ATP9B: variants seen among roughly 807,000 people sequenced by gnomAD.
The protein encoded by ATP9B is ATPase phospholipid transporting 9B.
Under a neutral mutation model 146.1 loss-of-function variants are expected in ATP9B, and 110 were observed. That is an observed-to-expected ratio of 0.75 (90% CI 0.65 to 0.88). The LOEUF is 0.88. Ranked by LOEUF, ATP9B falls within the 40% of genes least tolerant of loss-of-function variation. The pLI is 0.00. For missense variants in ATP9B, 1,499 were observed against 1,496.4 expected (o/e 1.00, Z -0.03); for synonymous variants, 604 against 569.7 (o/e 1.06, Z -0.86).
chr18:79,322,314 C>T (rs1242089336), intron 15 of ATP9B, among the ~76,000 whole-genome samples: 1 of 152,224 alleles, frequency 6.6e-6, no homozygotes, highest in Non-Finnish European at 1.5e-5. Context: ...AACGGCAGTG[C>T]CGTCCAACCT....
At chr18:79,209,707 G>A (rs1028432988) in intron 10 of ATP9B, 3 of 981,924 alleles carry the variant, frequency 3.1e-6, no homozygotes, top group East Asian at 1.1e-4. Flanking sequence ...CCATCCACTC[G>A]AGAAGCTTAA....
intron 26 of ATP9B, chr18:79,361,350 T>C (rs2096987178): frequency 6.6e-6 from 1 of 152,244 alleles, no homozygotes; most frequent in Admixed American, 6.5e-5. Flanking sequence ...CAGCTAATTA[T>C]CCGTAACTGT....
rs139973468 is a variant in ATP9B, at chr18:79,261,863, A to G, written c.1268+8322A>G. Among the ~76,000 whole-genome samples the G allele has an allele frequency of 2.6e-3, 392 of 152,224 alleles. 1 individual carries two copies. Among genetic ancestry groups the G allele is most frequent in the South Asian group, 6.4e-3 (31 of 4,822 alleles). On this transcript the variant is annotated intron_variant, in intron 12 of 29. Coordinates refer to ENST00000426216, the MANE Select transcript of ATP9B (RefSeq NM_198531.5). ...TTGTGGGAGGATGTCTCCTTGTCCTACTAAGTGTCCTGCTAAGCTCCCACT... is the reference window on the plus strand; with the variant it reads ...TTGTGGGAGGATGTCTCCTTGTCCTGCTAAGTGTCCTGCTAAGCTCCCACT...
At chr18:79,178,771 TA>T (rs975054431) in intron 8 of ATP9B, among the ~76,000 whole-genome samples, 1 of 152,214 alleles carries the variant, frequency 6.6e-6, no homozygotes, top group African/African-American at 2.4e-5. Flanking sequence ...GATATGCTGA[TA>T]TTTTGTTAAG....
chr18:79,183,214 T>C (rs2095269560), intron 8 of ATP9B, among the ~76,000 whole-genome samples: 1 of 152,236 alleles, frequency 6.6e-6, no homozygotes, highest in Non-Finnish European at 1.5e-5. Flanking sequence ...TGACAAATTA[T>C]AGCTTCCATA....
intron 12 of ATP9B, among the ~76,000 whole-genome samples, chr18:79,275,498 C>T (rs1403825143): frequency 6.6e-6 from 1 of 152,264 alleles, no homozygotes; most frequent in African/African-American, 2.4e-5. Flanking sequence ...TTAGCTTTTC[C>T]TGAGCCTTTC....
intron 13 of ATP9B, among the ~76,000 whole-genome samples, chr18:79,303,370 A>AC (rs1045788478): frequency 4.7e-4 from 72 of 152,298 alleles, no homozygotes; most frequent in African/African-American, 1.6e-3. Context: ...TCCAAAAAAA[A>AC]ACACACAAAA....
chr18:79,312,461 C>T (rs1291951665), intron 15 of ATP9B, among the ~76,000 whole-genome samples: 2 of 152,218 alleles, frequency 1.3e-5, no homozygotes, highest in Non-Finnish European at 2.9e-5. Flanking sequence ...GCTGCCCTCA[C>T]CCCAGACCAG....
At chr18:79,313,229 G>A (rs1326505053) in intron 15 of ATP9B, among the ~76,000 whole-genome samples, 1 of 152,200 alleles carries the variant, frequency 6.6e-6, no homozygotes, top group Non-Finnish European at 1.5e-5. Context: ...TGAGCGAAGA[G>A]GCGTAGTTCC....
At chr18:79,337,019 C>T (rs1470466962) in intron 18 of ATP9B, among the ~76,000 whole-genome samples, 2 of 152,226 alleles carry the variant, frequency 1.3e-5, no homozygotes, top group Non-Finnish European at 2.9e-5. Flanking sequence ...ACATAGGCGC[C>T]TCCCCCTCTG....
chr18:79,288,184 GTC>G (rs1366676445), intron 13 of ATP9B, among the ~76,000 whole-genome samples: 4 of 150,804 alleles, frequency 2.7e-5, no homozygotes, highest in Admixed American at 6.6e-5. Flanking sequence ...TTAACTTTCT[GTC>G]TCGTTGATCT....
chr18:79,359,211 T>TA, intron 25 of ATP9B, 143 bp from the exon 26 acceptor site: 1 of 609,848 alleles, frequency 1.6e-6, no homozygotes, highest in Non-Finnish European at 2.9e-6. Flanking sequence ...GCAATCATCT[T>TA]ACTTGGTTGC....
In ATP9B at chr18:79,132,723, A is replaced by G. The variant is rs565936647; in HGVS notation, c.667+6348A>G. On this transcript the variant is annotated intron_variant, in intron 5 of 29. Coordinates refer to ENST00000426216, the MANE Select transcript of ATP9B (RefSeq NM_198531.5). ...TTTCACAGTTACCTCTTTGAATGGC[A>G]TTGATGGCAGCCTCCTTGTGTGCCT... Among the ~76,000 whole-genome samples the G allele has an allele frequency of 3.9e-5, 6 of 152,336 alleles. No homozygotes were observed. The East Asian group carries it at 7.7e-4, about 20-fold the overall frequency.
At chr18:79,374,262 G>A (rs1439666389) in intron 28 of ATP9B, 161 bp downstream of exon 28, 5 of 822,852 alleles carry the variant, frequency 6.1e-6, no homozygotes, top group African/African-American at 3.4e-5. Flanking sequence ...GGATGAAGGC[G>A]CTGAGCCCCG....
chr18:79,215,105 A>T (rs1600544843), intron 11 of ATP9B, among the ~76,000 whole-genome samples: 1 of 147,064 alleles, frequency 6.8e-6, no homozygotes. Flanking sequence ...CCAAGATCGC[A>T]CCATTGCACT....
intron 17 of ATP9B, among the ~76,000 whole-genome samples, chr18:79,336,408 G>A (rs2096827324): frequency 6.6e-6 from 1 of 152,216 alleles, no homozygotes; most frequent in Admixed American, 6.5e-5. Context: ...CGAGTGAAGG[G>A]GTCAGTAGGA....
At chr18:79,109,506 T>C (rs145332757) in intron 2 of ATP9B, among the ~76,000 whole-genome samples, 2 of 152,086 alleles carry the variant, frequency 1.3e-5, no homozygotes, top group Non-Finnish European at 2.9e-5. Flanking sequence ...AAGCTTTTAT[T>C]ATCATTAGAA....
intron 26 of ATP9B, among the ~76,000 whole-genome samples, chr18:79,368,113 G>T (rs959054276): frequency 2.8e-4 from 43 of 152,162 alleles, no homozygotes; most frequent in Non-Finnish European, 3.1e-4. Context: ...CGTGGCCCCG[G>T]GTGAGCTGGA....
In ATP9B at chr18:79,201,405, A is replaced by G. The variant is rs915678687; in HGVS notation, c.955-5532A>G. Among the ~76,000 whole-genome samples, 21 of 152,216 alleles carry G rather than the reference A, an allele frequency of 1.4e-4. 1 individual carries two copies. The highest frequency in any genetic ancestry group is 1.2e-3 in the Admixed American group (19 of 15,278). On this transcript the variant is annotated intron_variant, in intron 9 of 29. Coordinates refer to ENST00000426216, the MANE Select transcript of ATP9B (RefSeq NM_198531.5). ...ATCTTCCTTTTTTATAGTGTAATATACATAAGACAAAATATCTTTTGTGTC... is the reference window on the plus strand; with the variant it reads ...ATCTTCCTTTTTTATAGTGTAATATGCATAAGACAAAATATCTTTTGTGTC...
Sources: gnomAD v4.1 joint callset for allele counts (sites outside exome capture counted in the v4.1 genomes callset) on GRCh38, gnomAD v4.1.1 for gene constraint, MANE v1.5 for transcripts, NCBI Gene and HGNC (gene_info 2026-07-23, HGNC 2026-07-21) for gene names.